Variants in PTPRM observed in about 807,000 individuals in gnomAD.
The protein encoded by PTPRM is receptor-type tyrosine-protein phosphatase mu.
A neutral mutation model predicts 186.7 loss-of-function variants in PTPRM; 47 were observed. That is an observed-to-expected ratio of 0.25 (90% CI 0.20 to 0.32). PTPRM has a LOEUF of 0.32. Ranked by LOEUF, PTPRM falls within the 10% of genes least tolerant of loss-of-function variation. The pLI, the probability that PTPRM is intolerant of heterozygous loss-of-function variation, is 1.00. For synonymous variants in PTPRM, 668 were observed against 674.9 expected (o/e 0.99, Z 0.16); for missense variants, 1,494 against 1,865.0 (o/e 0.80, Z 3.66).
At position 7,745,166 on chromosome 18, in the gene PTPRM, A is replaced by G. The variant is rs550400901; in HGVS notation, c.74-28983A>G. 2.0e-5 allele frequency among the ~76,000 whole-genome samples: 3 copies of G among 152,298 alleles called. No individual in the cohort carries two copies. The East Asian group carries it at 5.8e-4, about 29-fold the overall frequency. On this transcript the variant is annotated intron_variant, in intron 1 of 32. Transcript: ENST00000580170. Reference sequence around the variant, plus strand: ...TTAGAGTTGTTGCAAGGGTTAAATAAGATAATGGAAATAAGAGTGTATCAG... The same window carrying G: ...TTAGAGTTGTTGCAAGGGTTAAATAGGATAATGGAAATAAGAGTGTATCAG...
intron 28 of PTPRM, 22 bp downstream of exon 28, chr18:8,379,362 C>T (rs771249660): frequency 3.8e-6 from 6 of 1,584,912 alleles, no homozygotes; most frequent in African/African-American, 2.7e-5. Context: ...GCTTCCCGCA[C>T]GGGTCCGAGG....
At chr18:7,779,064 CCT>C (rs934937833) in intron 2 of PTPRM, among the ~76,000 whole-genome samples, 1 of 151,850 alleles carries the variant, frequency 6.6e-6, no homozygotes, top group African/African-American at 2.4e-5. Context: ...AAAATGTAAC[CCT>C]GTCTTATAAA....
chr18:8,108,171 C>T (rs2091603889), intron 11 of PTPRM, among the ~76,000 whole-genome samples: 1 of 152,084 alleles, frequency 6.6e-6, no homozygotes, highest in African/African-American at 2.4e-5. Context: ...TATTAATCTT[C>T]AGGAAGCTAT....
intron 19 of PTPRM, among the ~76,000 whole-genome samples, chr18:8,281,437 C>G (rs2094902717): frequency 1.3e-5 from 2 of 152,150 alleles, no homozygotes; most frequent in African/African-American, 2.4e-5. Flanking sequence ...AAGCATGGCC[C>G]TTCTACAGCA....
intron 1 of PTPRM, among the ~76,000 whole-genome samples, chr18:7,638,217 T>A (rs1325871817): frequency 6.6e-6 from 1 of 152,138 alleles, no homozygotes; most frequent in African/African-American, 2.4e-5. Flanking sequence ...TAGAAAGAGG[T>A]CCAGAATAAA....
chr18:7,925,205 G>A (rs184906747), intron 4 of PTPRM, among the ~76,000 whole-genome samples: 1 of 152,278 alleles, frequency 6.6e-6, no homozygotes, highest in Admixed American at 6.5e-5. Context: ...TTATTCTTGA[G>A]CAAGGGGTAA....
chr18:7,964,653 A>G (rs910905432), intron 7 of PTPRM, among the ~76,000 whole-genome samples: 1 of 152,220 alleles, frequency 6.6e-6, no homozygotes, highest in Non-Finnish European at 1.5e-5. Context: ...ACACACTCCT[A>G]TGGTGAAATC....
chr18:7,842,995 T>G (rs2046429211), intron 2 of PTPRM, among the ~76,000 whole-genome samples: 1 of 143,798 alleles, frequency 7.0e-6, no homozygotes, highest in Non-Finnish European at 1.5e-5. Flanking sequence ...ATGAGCCAGG[T>G]TCCTCTGGAG....
chr18:7,576,836 A>G lies in PTPRM; in HGVS notation c.73+8945A>G, dbSNP rs562869631. Among the ~76,000 whole-genome samples the G allele has an allele frequency of 2.0e-5, 3 of 152,322 alleles. No homozygotes were observed. In the South Asian group the frequency reaches 6.2e-4, roughly 32 times the overall value. ...GTTTGAGTAGCTTGAGGTACTTTAC[A>G]TCATGTAATAAGCACATGCTTAAAA... On this transcript the variant is annotated intron_variant, in intron 1 of 32. Transcript: ENST00000580170.
chr18:7,771,930 A>T (rs1012930037), intron 1 of PTPRM, among the ~76,000 whole-genome samples: 1 of 152,256 alleles, frequency 6.6e-6, no homozygotes, highest in Non-Finnish European at 1.5e-5. Flanking sequence ...TAATTCAGAA[A>T]ACCATCTACT....
intron 14 of PTPRM, among the ~76,000 whole-genome samples, chr18:8,214,228 C>G (rs1214375375): frequency 1.3e-5 from 2 of 152,124 alleles, no homozygotes; most frequent in African/African-American, 2.4e-5. Flanking sequence ...CCAAAAACCA[C>G]TTGTTCCCCT....
chr18:8,181,537 A>G (rs1222655318), intron 14 of PTPRM, among the ~76,000 whole-genome samples: 2 of 152,220 alleles, frequency 1.3e-5, no homozygotes, highest in Non-Finnish European at 2.9e-5. Flanking sequence ...AGCCTGAACC[A>G]GACTCCACGG....
rs1161839943 is a variant in PTPRM, at chr18:8,344,472, A to ATATATATATATATATC, written c.3054+955_3054+956insATATATATATATCTAT. Among the ~76,000 whole-genome samples the ATATATATATATATATC allele has an allele frequency of 2.0e-4, 29 of 146,902 alleles. 1 individual carries two copies. Among genetic ancestry groups the ATATATATATATATATC allele is most frequent in the Non-Finnish European group, 3.0e-4 (20 of 67,378 alleles). The stretch of plus-strand genomic sequence containing the variant: ...TGTATATATATATATATATATATAT[A>ATATATATATATATATC]TATCTAGCAAAAATGGCACATTAAC... On this transcript the variant is annotated intron_variant, in intron 23 of 32. Transcript: ENST00000580170.
intron 25 of PTPRM, 127 bp downstream of exon 25, chr18:8,376,327 T>C (rs188659362): frequency 1.3e-6 from 2 of 1,526,182 alleles, no homozygotes; most frequent in East Asian, 2.3e-5. Context: ...TTGGGAGCAC[T>C]AAATGCCACT....
chr18:8,284,510 T>C (rs2094935682), intron 19 of PTPRM, among the ~76,000 whole-genome samples: 1 of 152,062 alleles, frequency 6.6e-6, no homozygotes, highest in African/African-American at 2.4e-5. Context: ...ATTAGAGGAG[T>C]TTTTAACATT....
intron 2 of PTPRM, among the ~76,000 whole-genome samples, chr18:7,834,080 C>T (rs1449288086): frequency 1.3e-5 from 2 of 152,004 alleles, no homozygotes; most frequent in African/African-American, 4.8e-5. Flanking sequence ...TTATATATTG[C>T]TTTTACTATG....
At position 8,313,817 on chromosome 18, in the gene PTPRM, C is replaced by T. The variant is rs75291663; in HGVS notation, c.2843-964C>T. 2.3e-3 allele frequency among the ~76,000 whole-genome samples: 353 copies of T among 152,058 alleles called. 9 individuals carry two copies. The East Asian group carries it at 0.057, about 24-fold the overall frequency. ...CTTTGTGCCCTCTTAGCTTAGCTCC[C>T]ATTTATGAGTGACAACATACGAAGC... On this transcript the variant is annotated intron_variant, in intron 20 of 32. Coordinates refer to ENST00000580170, the MANE Select transcript of PTPRM (RefSeq NM_001105244.2).
intron 1 of PTPRM, among the ~76,000 whole-genome samples, chr18:7,756,498 T>G (rs1248326875): frequency 6.6e-6 from 1 of 152,204 alleles, no homozygotes. Flanking sequence ...CATCAAATCT[T>G]TACTTAATAA....
intron 32 of PTPRM, among the ~76,000 whole-genome samples, chr18:8,398,438 A>G (rs184525448): frequency 1.2e-3 from 176 of 152,200 alleles, no homozygotes; most frequent in African/African-American, 4.1e-3. Context: ...TCCTACCTGA[A>G]CCTCAGTTTT....
Sources: allele counts gnomAD v4.1 joint callset (sites outside exome capture counted in the v4.1 genomes callset), GRCh38; gene constraint gnomAD v4.1.1; transcripts MANE v1.5; gene names NCBI Gene and HGNC (gene_info 2026-07-23, HGNC 2026-07-21).